RFX1: variants seen among roughly 807,000 people sequenced by gnomAD.
RFX1 encodes the protein regulatory factor X1.
A neutral mutation model predicts 119.6 loss-of-function variants in RFX1; 42 were observed. The observed-to-expected ratio is 0.35, with a 90% CI of 0.27 to 0.45. RFX1 has a LOEUF of 0.45. Among genes scored for constraint, RFX1 ranks in the 20% least tolerant of loss-of-function variants. The pLI is 1.00. For missense variants in RFX1, 1,118 were observed against 1,368.1 expected (o/e 0.82, Z 2.88); for synonymous variants, 628 against 618.5 (o/e 1.02, Z -0.23).
At chr19:14,004,178 G>A (rs965740635) in intron 1 of RFX1, among the ~76,000 whole-genome samples, 3 of 152,048 alleles carry the variant, frequency 2.0e-5, no homozygotes, top group African/African-American at 7.2e-5. Flanking sequence ...GGGATTACAG[G>A]TGTGAGCCAC....
At position 13,980,977 on chromosome 19, in the gene RFX1, G is replaced by T. The variant is rs963984729; in HGVS notation, c.622-288C>A. On this transcript the variant is annotated intron_variant, in intron 5 of 20. Coordinates refer to ENST00000254325, the MANE Select transcript of RFX1 (RefSeq NM_002918.5). This position sits in a 1 kb window ranked among gnomAD's most constrained non-coding sequence, Gnocchi z 5.1. ...GCACCCCTGAAGCTCTCCTGGGGCT[G>T]ACCCTCAAAGGTTATAGCAATGACG... Among the ~76,000 whole-genome samples the T allele has an allele frequency of 1.3e-5, 2 of 152,236 alleles. No homozygotes were observed. Among genetic ancestry groups the T allele is most frequent in the African/African-American group, 4.8e-5 (2 of 41,454 alleles).
In RFX1 at chr19:13,962,380, G is replaced by A. The variant is rs1973714083; in HGVS notation, c.*315C>T. ...TGCCTGCCCCCTGGGGTGGTGGGAG[G>A]ACGGGGCTGGGGAGAAGACGCTGGG... On this transcript the variant is annotated 3_prime_UTR_variant, in exon 21 of 21. Transcript: ENST00000254325. The A allele has an allele frequency of 7.3e-6, 3 of 408,550 alleles. No individual in the cohort carries two copies. The highest frequency in any genetic ancestry group is 4.3e-5 in the African/African-American group (2 of 46,674). 25.3% of individuals were successfully genotyped at this position (408,550 alleles called of 1,614,324 possible).
intron 1 of RFX1, among the ~76,000 whole-genome samples, chr19:14,002,377 C>T (rs1002957324): frequency 4.7e-5 from 7 of 150,478 alleles, no homozygotes; most frequent in Admixed American, 2.7e-4. Flanking sequence ...CCCAGCTACT[C>T]GGGAGGCTGA....
At chr19:13,975,724 G>A (rs1421990446) in intron 8 of RFX1, among the ~76,000 whole-genome samples, 1 of 152,252 alleles carries the variant, frequency 6.6e-6, no homozygotes, top group Non-Finnish European at 1.5e-5. Flanking sequence ...GATGGTTGCT[G>A]AATGACTGAA....
intron 1 of RFX1, among the ~76,000 whole-genome samples, 192 bp downstream of exon 1, chr19:14,005,911 G>C (rs917518241): frequency 7.3e-5 from 11 of 151,350 alleles, no homozygotes; most frequent in Admixed American, 6.6e-4. Flanking sequence ...CGCGGGGGCC[G>C]GGCCGCGGGG....
chr19:13,989,915 G>T (rs1974746534), intron 2 of RFX1, among the ~76,000 whole-genome samples: 1 of 152,136 alleles, frequency 6.6e-6, no homozygotes, highest in African/African-American at 2.4e-5. Flanking sequence ...CTTACTCAAG[G>T]AGGAGTAGGA....
intron 8 of RFX1, among the ~76,000 whole-genome samples, chr19:13,973,407 T>TTC (rs1974153882): frequency 6.6e-6 from 1 of 151,412 alleles, no homozygotes; most frequent in Non-Finnish European, 1.5e-5. Flanking sequence ...AGGCCAGGAG[T>TTC]TCAAGACTAG....
chr19:13,963,683 T>G lies in RFX1; in HGVS notation c.2425A>C (p.Lys809Gln). The G allele has an allele frequency of 6.2e-7, 1 of 1,604,824 alleles. No individual in the cohort carries two copies. Among genetic ancestry groups the G allele is most frequent in the Non-Finnish European group, 8.5e-7 (1 of 1,177,976 alleles). ...GAGTTCTGCTGCTGCAGCGTCACCT[T>G]GAAGTCCTGCTCCAGCCGCTGCACC... is the stretch of plus-strand genomic sequence containing the variant. ...RVVQRLEQDF[K>Q]VTLQQQNSLE... Residue 809 changes from lysine (K) to glutamine (Q), a missense_variant, in exon 18 of 21, where the codon AAG (lysine) becomes CAG (glutamine). Lys to Gln is a moderately conservative substitution (Grantham distance 53, BLOSUM62 1). Coordinates refer to ENST00000254325, the MANE Select transcript of RFX1 (RefSeq NM_002918.5).
In RFX1 at chr19:13,969,803, G is replaced by T. The variant is rs1234262831; in HGVS notation, c.1496+191C>A. The T allele has an allele frequency of 9.5e-6, 5 of 525,348 alleles. 1 individual carries two copies. Among genetic ancestry groups the T allele is most frequent in the Non-Finnish European group, 1.7e-5 (5 of 301,516 alleles). The allele number at this position is 525,348 out of a possible 1,614,324, so 32.5% of individuals were successfully genotyped here. Reference sequence around the variant, plus strand: ...GGGACGTGCAAGTAAGGAGGGGTGAGAAGCACATGAGGTGGAAGGCACCGC... The same window carrying T: ...GGGACGTGCAAGTAAGGAGGGGTGATAAGCACATGAGGTGGAAGGCACCGC... On this transcript the variant is annotated intron_variant, in intron 10 of 20. Transcript: ENST00000254325. The surrounding 1 kb of genome is among the most constrained non-coding windows in gnomAD (Gnocchi z 4.5).
chr19:13,993,685 T>C lies in RFX1; in HGVS notation c.159A>G (p.Gln53=). 3 of 1,586,848 alleles carry C rather than the reference T, an allele frequency of 1.9e-6. No individual in the cohort carries two copies. The highest frequency in any genetic ancestry group is 1.7e-6 in the Non-Finnish European group (2 of 1,166,178). ...PPTAAATPQP[Q]YVTELQSPQP... ...GGGGGCTCTGCAGCTCGGTGACATA[T>C]TGGGGCTGAGGGGTGGCAGCAGCGG... Residue 53 remains glutamine, a synonymous_variant, in exon 2 of 21, where the codon CAA becomes CAG. Coordinates refer to ENST00000254325, the MANE Select transcript of RFX1 (RefSeq NM_002918.5).
chr19:13,992,428 G>T (rs56158432), intron 2 of RFX1, among the ~76,000 whole-genome samples: 1 of 152,186 alleles, frequency 6.6e-6, no homozygotes, highest in African/African-American at 2.4e-5. Flanking sequence ...ATGCTCAGAG[G>T]GCAACAGGTC....
chr19:13,987,925 A>G (rs1166736528), intron 2 of RFX1, among the ~76,000 whole-genome samples: 1 of 151,958 alleles, frequency 6.6e-6, no homozygotes, highest in East Asian at 1.9e-4. Context: ...GGGGAGACAG[A>G]GGCCACCTCC....
At chr19:14,001,596 TG>T in intron 1 of RFX1, among the ~76,000 whole-genome samples, 1 of 152,364 alleles carries the variant, frequency 6.6e-6, no homozygotes, top group East Asian at 1.9e-4. Flanking sequence ...CCACTGAGTC[TG>T]GCTGGATTTA....
In RFX1 at chr19:13,966,559, C is replaced by T. The variant is rs373528608; in HGVS notation, c.1852-29G>A. 8 of 1,539,280 alleles carry T rather than the reference C, an allele frequency of 5.2e-6. No individual in the cohort carries two copies. The highest frequency in any genetic ancestry group is 7.1e-6 in the Non-Finnish European group (8 of 1,132,290). On this transcript the variant is annotated intron_variant, in intron 13 of 20. Coordinates refer to ENST00000254325, the MANE Select transcript of RFX1 (RefSeq NM_002918.5). The surrounding 1 kb of genome is among the most constrained non-coding windows in gnomAD (Gnocchi z 6.3). ...TGGCAGAGGCGGATGCTCAGGGAGG[C>T]TGGGGGGCAGCATGGCCCTCCCATG...
chr19:13,983,268 C>A lies in RFX1; in HGVS notation c.432G>T (p.Arg144=). 2 of 1,554,112 alleles carry A rather than the reference C, an allele frequency of 1.3e-6. No homozygotes were observed. The highest frequency in any genetic ancestry group is 1.7e-6 in the Non-Finnish European group (2 of 1,154,474). ...VVQQVQGTQQ[R]LLVQTSVQAK... ...CCTGCACGCTCGTCTGGACCAGCAG[C>A]CGCTGTGGAGACAAGGCAGGAGGAG... Residue 144 remains arginine (R), a splice_region_variant and synonymous_variant, in exon 4 of 21, where the codon CGG becomes CGT. Transcript: ENST00000254325.
In RFX1 at chr19:13,968,550, C is replaced by T; in HGVS notation, c.1732+15G>A. ...GAGGCGGTGGTTGGGGAAGCACGGG[C>T]CAGGGAGCTCTCACCCAAAAATTGC... On this transcript the variant is annotated intron_variant, in intron 12 of 20. Coordinates refer to ENST00000254325, the MANE Select transcript of RFX1 (RefSeq NM_002918.5). The surrounding 1 kb of genome is among the most constrained non-coding windows in gnomAD (Gnocchi z 5.5). 6.3e-7 allele frequency: 1 copy of T among 1,599,868 alleles called. No individual in the cohort carries two copies. The highest frequency in any genetic ancestry group is 8.6e-7 in the Non-Finnish European group (1 of 1,167,686).
chr19:13,973,852 G>A (rs186192636), intron 8 of RFX1, among the ~76,000 whole-genome samples: 5 of 151,446 alleles, frequency 3.3e-5, no homozygotes, highest in Non-Finnish European at 7.4e-5. Flanking sequence ...GGCTGGTCTC[G>A]AACTTCTGAC....
At chr19:14,005,840 A>G (rs1036902030) in intron 1 of RFX1, among the ~76,000 whole-genome samples, 1 of 151,038 alleles carries the variant, frequency 6.6e-6, no homozygotes, top group Non-Finnish European at 1.5e-5. Context: ...CCGACATATA[A>G]AAGCCCCCCG....
intron 1 of RFX1, among the ~76,000 whole-genome samples, chr19:14,005,764 T>A (rs1975350439): frequency 1.3e-5 from 2 of 148,176 alleles, no homozygotes; most frequent in Non-Finnish European, 3.0e-5. Context: ...CCACCCACCT[T>A]GGCCCCGCCT....
Sources: gnomAD v4.1 joint callset for allele counts (sites outside exome capture counted in the v4.1 genomes callset) on GRCh38, gnomAD v4.1.1 for gene constraint, Gnocchi (gnomAD v3.1) non-coding constraint, MANE v1.5 for transcripts, NCBI Gene and HGNC (gene_info 2026-07-23, HGNC 2026-07-21) for gene names.